NFX1: variants seen among roughly 807,000 people sequenced by gnomAD.
The protein encoded by NFX1 is nuclear transcription factor, X-box binding 1.
Under a neutral mutation model 137.2 loss-of-function variants are expected in NFX1, and 69 were observed. The ratio of observed to expected loss-of-function variants is 0.50; its 90% confidence interval spans 0.41 to 0.61. NFX1 has a LOEUF of 0.61. Ranked by LOEUF, NFX1 falls within the 20% of genes least tolerant of loss-of-function variation. The pLI is 0.00. For missense variants in NFX1, 1,167 were observed against 1,391.0 expected (o/e 0.84, Z 2.56); for synonymous variants, 495 against 474.1 (o/e 1.04, Z -0.57).
intron 23 of NFX1, 28 bp downstream of exon 23, chr9:33,367,647 G>A (rs1028303283): frequency 1.1e-5 from 18 of 1,606,494 alleles, no homozygotes; most frequent in Non-Finnish European, 1.3e-5. Flanking sequence ...CTTTCCAAGG[G>A]GACCTGTCTG....
At chr9:33,318,639 C>A in intron 7 of NFX1, 92 bp from the exon 8 acceptor site, 4 of 1,198,570 alleles carry the variant, frequency 3.3e-6, no homozygotes, top group South Asian at 1.3e-5. Flanking sequence ...CTGTGCCAGG[C>A]CCGCATTTTG....
chr9:33,359,350 G>A (rs989102866), intron 19 of NFX1, among the ~76,000 whole-genome samples: 3 of 152,106 alleles, frequency 2.0e-5, no homozygotes, highest in Admixed American at 6.5e-5. Context: ...TGTAATCCCA[G>A]CACTTTGGGA....
chr9:33,319,569 G>GATAGGA (rs1822306020), intron 9 of NFX1, among the ~76,000 whole-genome samples: 1 of 152,188 alleles, frequency 6.6e-6, no homozygotes, highest in Non-Finnish European at 1.5e-5. Context: ...GAGTGCAGTG[G>GATAGGA]TAGGATCTCA....
At chr9:33,300,747 A>C (rs538129310) in intron 2 of NFX1, among the ~76,000 whole-genome samples, 72 of 152,362 alleles carry the variant, frequency 4.7e-4, no homozygotes, top group Admixed American at 2.7e-3. Context: ...GTAGGCACCA[A>C]GAATATCTTT....
chr9:33,358,132 A>AT (rs564764541), intron 19 of NFX1, among the ~76,000 whole-genome samples: 25 of 149,442 alleles, frequency 1.7e-4, no homozygotes, highest in African/African-American at 3.7e-4. Flanking sequence ...ATTACTTGTA[A>AT]TTTTTTTTTT....
chr9:33,333,051 G>A (rs1822869074), intron 11 of NFX1, among the ~76,000 whole-genome samples: 1 of 152,118 alleles, frequency 6.6e-6, no homozygotes, highest in African/African-American at 2.4e-5. Flanking sequence ...TCACTGTGTT[G>A]GCCAGGCTGG....
intron 13 of NFX1, among the ~76,000 whole-genome samples, chr9:33,343,386 A>C (rs942077565): frequency 1.9e-4 from 29 of 152,328 alleles, no homozygotes; most frequent in African/African-American, 7.0e-4. Flanking sequence ...AAAAAGTAGA[A>C]TAGCGGATAC....
At chr9:33,302,704 C>CT (rs1821615911) in intron 3 of NFX1, among the ~76,000 whole-genome samples, 1 of 151,060 alleles carries the variant, frequency 6.6e-6, no homozygotes, top group African/African-American at 2.4e-5. Context: ...GAGTCTCACT[C>CT]TGTTGCCCAG....
In NFX1 at chr9:33,337,514, A is replaced by G. The variant is rs541198497; in HGVS notation, c.2036-996A>G. ...ATGGCTTCTCCTCCACACCTTAAAC[A>G]CTACCGTTGCTATTTTTTTTATTTT... On this transcript the variant is annotated intron_variant, in intron 11 of 23. Transcript: ENST00000379540. 1.1e-4 allele frequency among the ~76,000 whole-genome samples: 17 copies of G among 152,268 alleles called. No homozygotes were observed. The East Asian group carries it at 3.3e-3, about 29-fold the overall frequency.
At chr9:33,333,868 A>C (rs534052668) in intron 11 of NFX1, among the ~76,000 whole-genome samples, 11 of 152,268 alleles carry the variant, frequency 7.2e-5, no homozygotes, top group African/African-American at 2.4e-4. Flanking sequence ...TTTGGGTCCA[A>C]GCCTGGTGGC....
Position 33,294,733 on chromosome 9 carries a change from G to A in NFX1, c.339G>A (p.Lys113=), listed in dbSNP as rs1474616883. ...NQPWQKLRNE[K]HHIRVKKAQS... ...CTTGGCAGAAATTGAGGAATGAGAA[G>A]CACCATATCAGAGTCAAGAAAGCAC... The change falls in exon 2 of 24, where the codon AAG becomes AAA. Residue 113 remains lysine, a synonymous_variant. Coordinates refer to ENST00000379540, the MANE Select transcript of NFX1 (RefSeq NM_002504.6). 2 of 1,613,948 alleles carry A rather than the reference G, an allele frequency of 1.2e-6. No homozygotes were observed. The highest frequency in any genetic ancestry group is 3.3e-5 in the Admixed American group (2 of 60,016).
At chr9:33,319,945 T>TTTTTC (rs1217127193) in intron 9 of NFX1, among the ~76,000 whole-genome samples, 19 of 151,360 alleles carry the variant, frequency 1.3e-4, no homozygotes, top group African/African-American at 2.4e-4. Context: ...TGGATGAATA[T>TTTTTC]TTTTCTTTTC....
intron 9 of NFX1, among the ~76,000 whole-genome samples, chr9:33,328,331 T>C (rs367908993): frequency 6.6e-5 from 10 of 152,232 alleles, no homozygotes; most frequent in African/African-American, 2.4e-4. Flanking sequence ...GGCCTTTTTT[T>C]GACTTAGGCA....
At chr9:33,302,079 C>CA (rs199840084) in intron 3 of NFX1, among the ~76,000 whole-genome samples, 1,751 of 151,842 alleles carry the variant, frequency 0.012, 21 homozygotes, top group Non-Finnish European at 0.018. Flanking sequence ...CTCAAACAAA[C>CA]AAAAAAACAT....
chr9:33,294,937 A>T lies in NFX1; in HGVS notation c.543A>T (p.Gly181=), dbSNP rs1165774224. Residue 181 remains glycine (G), a synonymous_variant, in exon 2 of 24, where the codon GGA becomes GGT. Coordinates refer to ENST00000379540, the MANE Select transcript of NFX1 (RefSeq NM_002504.6). ...ATQFVYSYGR[G]PKVKGKLKCE... The stretch of plus-strand genomic sequence containing the variant: ...AGTTTGTATACAGCTATGGTAGAGG[A>T]CCAAAAGTCAAGGGGAAACTCAAAT... The T allele has an allele frequency of 1.9e-6, 3 of 1,614,058 alleles. No individual in the cohort carries two copies. The highest frequency in any genetic ancestry group is 2.7e-5 in the African/African-American group (2 of 74,910).
chr9:33,298,033 A>C (rs184751999), intron 2 of NFX1, among the ~76,000 whole-genome samples: 1 of 152,328 alleles, frequency 6.6e-6, no homozygotes, highest in African/African-American at 2.4e-5. Flanking sequence ...TGTTGCATAA[A>C]TACTATATAC....
chr9:33,339,407 A>G (rs774673524), intron 12 of NFX1, among the ~76,000 whole-genome samples: 2 of 152,216 alleles, frequency 1.3e-5, no homozygotes, highest in Non-Finnish European at 2.9e-5. Flanking sequence ...CTTATTCACT[A>G]TCACGAGAAC....
chr9:33,299,357 A>C (rs1406750636), intron 2 of NFX1, among the ~76,000 whole-genome samples: 1 of 152,098 alleles, frequency 6.6e-6, no homozygotes, highest in Admixed American at 6.5e-5. Flanking sequence ...TTTTTGGAAA[A>C]GATGTTTCTG....
In NFX1 at chr9:33,294,793, A is replaced by C. The variant is rs778019831; in HGVS notation, c.399A>C (p.Gly133=). The C allele has an allele frequency of 3.7e-6, 6 of 1,614,132 alleles. No individual in the cohort carries two copies. Among genetic ancestry groups the C allele is most frequent in the Non-Finnish European group, 5.1e-6 (6 of 1,180,040 alleles). ...SLAEQTSDTA[G]LESSTRSESG... ...CTGAGCAGACCTCAGATACAGCTGGATTAGAGAGCTCGACCAGATCAGAGA... is the reference window on the plus strand; with the variant it reads ...CTGAGCAGACCTCAGATACAGCTGGCTTAGAGAGCTCGACCAGATCAGAGA... The change falls in exon 2 of 24, where the codon GGA becomes GGC. Residue 133 remains glycine, a synonymous_variant. Transcript: ENST00000379540.
Sources: allele counts gnomAD v4.1 joint callset (sites outside exome capture counted in the v4.1 genomes callset), GRCh38; gene constraint gnomAD v4.1.1; transcripts MANE v1.5; gene names NCBI Gene and HGNC (gene_info 2026-07-23, HGNC 2026-07-21).